LHFPL3: variants seen among roughly 807,000 people sequenced by gnomAD.
LHFPL3 encodes the protein LHFPL tetraspan subfamily member 3, also known as LHFPL tetraspan subfamily member 3 protein.
A neutral mutation model predicts 19.3 loss-of-function variants in LHFPL3; 5 were observed. The observed-to-expected ratio is 0.26, with a 90% CI of 0.14 to 0.54. The LOEUF (loss-of-function observed/expected upper bound fraction) is 0.54. Among genes scored for constraint, LHFPL3 ranks in the 20% least tolerant of loss-of-function variants. The probability of loss-of-function intolerance (pLI) is 0.94; values close to 1 mark genes in which losing one functional copy is unlikely to be tolerated. For missense variants in LHFPL3, 249 were observed against 307.4 expected (o/e 0.81, Z 1.42); for synonymous variants, 133 against 126.2 (o/e 1.05, Z -0.36).
intron 1 of LHFPL3, among the ~76,000 whole-genome samples, chr7:104,574,371 C>T (rs943554447): frequency 2.2e-4 from 34 of 152,098 alleles, no homozygotes. Flanking sequence ...ACATAAAAGT[C>T]CTATAATATC....
intron 2 of LHFPL3, among the ~76,000 whole-genome samples, chr7:104,738,164 C>G (rs1449663572): frequency 1.3e-5 from 2 of 152,172 alleles, no homozygotes; most frequent in Non-Finnish European, 2.9e-5. Context: ...AACCCTTACA[C>G]AGGGGAGTGG....
intron 1 of LHFPL3, among the ~76,000 whole-genome samples, chr7:104,418,568 C>T (rs148584461): frequency 2.6e-4 from 40 of 152,170 alleles, no homozygotes; most frequent in African/African-American, 9.6e-4. Flanking sequence ...TGGGTCAAGT[C>T]GCTTTGAATT....
chr7:104,354,623 A>G (rs1392143482), intron 1 of LHFPL3, among the ~76,000 whole-genome samples: 1 of 152,222 alleles, frequency 6.6e-6, no homozygotes, highest in East Asian at 1.9e-4. Flanking sequence ...CTAAATTATT[A>G]ACGAGTTTGA....
At chr7:104,380,548 T>G (rs1179373375) in intron 1 of LHFPL3, among the ~76,000 whole-genome samples, 1 of 152,144 alleles carries the variant, frequency 6.6e-6, no homozygotes, top group Non-Finnish European at 1.5e-5. Context: ...ATATCTGTAA[T>G]GTAAACATAT....
chr7:104,671,932 C>A (rs570551048), intron 1 of LHFPL3, among the ~76,000 whole-genome samples: 1 of 152,254 alleles, frequency 6.6e-6, no homozygotes, highest in South Asian at 2.1e-4. Flanking sequence ...AAGAATTATT[C>A]TTTCCTTCCA....
intron 2 of LHFPL3, among the ~76,000 whole-genome samples, chr7:104,772,888 T>C (rs145064082): frequency 1.3e-5 from 2 of 152,372 alleles, no homozygotes; most frequent in African/African-American, 4.8e-5. Flanking sequence ...ATTAACTTTA[T>C]TGGGTAATTA....
chr7:104,624,769 G>T (rs546398937), intron 1 of LHFPL3, among the ~76,000 whole-genome samples: 1 of 152,182 alleles, frequency 6.6e-6, no homozygotes, highest in Non-Finnish European at 1.5e-5. Flanking sequence ...AGAATGGCAG[G>T]TTGAGATCTA....
chr7:104,817,356 T>G (rs574333919), intron 2 of LHFPL3, among the ~76,000 whole-genome samples: 1 of 152,208 alleles, frequency 6.6e-6, no homozygotes, highest in South Asian at 2.1e-4. Flanking sequence ...CTTTTTCTCC[T>G]CATCTAATTC....
chr7:104,403,341 G>A (rs1791352463), intron 1 of LHFPL3, among the ~76,000 whole-genome samples: 1 of 152,208 alleles, frequency 6.6e-6, no homozygotes, highest in African/African-American at 2.4e-5. Context: ...TCATAGCACA[G>A]TATGATGGAA....
intron 1 of LHFPL3, among the ~76,000 whole-genome samples, chr7:104,694,563 A>G (rs919950572): frequency 1.3e-5 from 2 of 152,214 alleles, no homozygotes; most frequent in East Asian, 1.9e-4. Context: ...TGACAGAAAT[A>G]TAAACAAAGG....
intron 1 of LHFPL3, among the ~76,000 whole-genome samples, chr7:104,414,478 T>C (rs981190314): frequency 6.6e-6 from 1 of 152,198 alleles, no homozygotes; most frequent in African/African-American, 2.4e-5. Flanking sequence ...GATCTGAGGA[T>C]GGGGAACTCT....
intron 2 of LHFPL3, among the ~76,000 whole-genome samples, chr7:104,838,425 T>C (rs554053031): frequency 1.3e-5 from 2 of 152,296 alleles, no homozygotes; most frequent in East Asian, 3.9e-4. Flanking sequence ...TCTGATTTCA[T>C]TAGAATCTAA....
At chr7:104,776,801 G>A (rs1794643190) in intron 2 of LHFPL3, among the ~76,000 whole-genome samples, 1 of 152,156 alleles carries the variant, frequency 6.6e-6, no homozygotes, top group Non-Finnish European at 1.5e-5. Context: ...GCAGGGCTGG[G>A]CTACTGTACT....
chr7:104,857,261 A>G (rs994017541), intron 2 of LHFPL3, among the ~76,000 whole-genome samples: 1 of 116 alleles, frequency 8.6e-3, no homozygotes, highest in Non-Finnish European at 0.026. Flanking sequence ...TTTCCATAAT[A>G]AGGCGGGGCA....
At chr7:104,667,009 C>T (rs1360487970) in intron 1 of LHFPL3, among the ~76,000 whole-genome samples, 1 of 152,118 alleles carries the variant, frequency 6.6e-6, no homozygotes, top group Non-Finnish European at 1.5e-5. Context: ...GATAAATACT[C>T]CATAGTGGAA....
chr7:104,329,481 C>G (rs750960895), intron 1 of LHFPL3, among the ~76,000 whole-genome samples: 48 of 152,364 alleles, frequency 3.2e-4, no homozygotes, highest in Non-Finnish European at 6.2e-4. Flanking sequence ...AGGGACGCCC[C>G]GGAGGCAGGG....
At chr7:104,526,484 C>T (rs1794190196) in intron 1 of LHFPL3, among the ~76,000 whole-genome samples, 2 of 152,240 alleles carry the variant, frequency 1.3e-5, no homozygotes, top group Admixed American at 1.3e-4. Flanking sequence ...TAGCTACTTA[C>T]ATGACTTATG....
At chr7:104,648,154 T>C (rs377758816) in intron 1 of LHFPL3, among the ~76,000 whole-genome samples, 1 of 152,306 alleles carries the variant, frequency 6.6e-6, no homozygotes, top group East Asian at 1.9e-4. Context: ...AGATATTTAC[T>C]CCTGAAGGAC....
chr7:104,722,057 C>T (rs1005437456), intron 1 of LHFPL3, among the ~76,000 whole-genome samples: 1 of 151,788 alleles, frequency 6.6e-6, no homozygotes, highest in Admixed American at 6.6e-5. Flanking sequence ...GGGTATTAAC[C>T]CTTAAAATTT....
Sources: gnomAD v4.1 joint callset for allele counts (sites outside exome capture counted in the v4.1 genomes callset) on GRCh38, gnomAD v4.1.1 for gene constraint, MANE v1.5 for transcripts, NCBI Gene and HGNC (gene_info 2026-07-23, HGNC 2026-07-21) for gene names.